The following SNX30 variants were observed in gnomAD, a reference collection of about 807,000 sequenced individuals.
SNX30 encodes sorting nexin family member 30.
In SNX30, 24 loss-of-function variants were observed where a neutral mutation model predicts 46.4. That is an observed-to-expected ratio of 0.52 (90% CI 0.37 to 0.73). The LOEUF (loss-of-function observed/expected upper bound fraction) is 0.73, where lower values mean the gene tolerates loss of function less well. Ranked by LOEUF, SNX30 falls within the 30% of genes least tolerant of loss-of-function variation. SNX30 has a pLI of 0.00. For synonymous variants in SNX30, 189 were observed against 211.5 expected (o/e 0.89, Z 0.92); for missense variants, 533 against 555.7 (o/e 0.96, Z 0.41).
At chr9:112,859,514 A>G (rs558218110) in intron 7 of SNX30, among the ~76,000 whole-genome samples, 1 of 152,312 alleles carries the variant, frequency 6.6e-6, no homozygotes, top group Non-Finnish European at 1.5e-5. Context: ...CTATTTTAAA[A>G]TTTTTGAGGA....
Position 112,791,756 on chromosome 9 carries a change from A to G in SNX30, c.157-13020A>G, listed in dbSNP as rs1169941074. ...AATTTTACTTAGAGATTTAAATGGA[A>G]TGGCTGATATGAGTGATGCCAGTAA... On this transcript the variant is annotated intron_variant, in intron 1 of 8. Coordinates refer to ENST00000374232, the MANE Select transcript of SNX30 (RefSeq NM_001012994.2). Among the ~76,000 whole-genome samples the G allele has an allele frequency of 3.3e-5, 5 of 152,152 alleles. No individual in the cohort carries two copies. In the East Asian group the frequency reaches 9.6e-4, roughly 29 times the overall value.
chr9:112,766,414 G>A (rs547134229), intron 1 of SNX30, among the ~76,000 whole-genome samples: 6 of 151,740 alleles, frequency 4.0e-5, no homozygotes, highest in African/African-American at 1.5e-4. Flanking sequence ...CAATAATTTT[G>A]ACATTTGAGG....
chr9:112,875,490 G>A (rs1024349988), downstream of SNX30, among the ~76,000 whole-genome samples: 2 of 152,230 alleles, frequency 1.3e-5, no homozygotes, highest in East Asian at 1.9e-4. Context: ...GTGGATCATG[G>A]ATCAAATCTC....
At chr9:112,848,921 C>T (rs1227785127) in intron 6 of SNX30, among the ~76,000 whole-genome samples, 1 of 152,218 alleles carries the variant, frequency 6.6e-6, no homozygotes, top group Non-Finnish European at 1.5e-5. Context: ...GCAGTGCCCC[C>T]AGGAGCCCCC....
At chr9:112,807,660 C>T (rs959132901) in intron 2 of SNX30, among the ~76,000 whole-genome samples, 1 of 152,190 alleles carries the variant, frequency 6.6e-6, no homozygotes, top group African/African-American at 2.4e-5. Flanking sequence ...AAAGTGACCG[C>T]CTTGCTGGCA....
At chr9:112,806,885 T>C (rs1840233320) in intron 2 of SNX30, among the ~76,000 whole-genome samples, 1 of 152,150 alleles carries the variant, frequency 6.6e-6, no homozygotes, top group Non-Finnish European at 1.5e-5. Context: ...CAATGTTCCC[T>C]TCCATTTTAT....
At chr9:112,865,661 A>ATATGTGTGTGTGTGTGTGTGTGTGTG in intron 8 of SNX30, among the ~76,000 whole-genome samples, 3 of 105,702 alleles carry the variant, frequency 2.8e-5, no homozygotes, top group Admixed American at 9.5e-5. Flanking sequence ...ATATATATAT[A>ATATGTGTGTGTGTGTGTGTGTGTGTG]TGTATGTATG....
At chr9:112,779,173 C>A (rs1361451107) in intron 1 of SNX30, among the ~76,000 whole-genome samples, 3 of 152,204 alleles carry the variant, frequency 2.0e-5, no homozygotes, top group Non-Finnish European at 4.4e-5. Flanking sequence ...GTGGCCTTGC[C>A]TGTGAGGGCT....
At chr9:112,832,469 T>A (rs1239032714) in intron 4 of SNX30, among the ~76,000 whole-genome samples, 41 of 91,262 alleles carry the variant, frequency 4.5e-4, no homozygotes, top group Non-Finnish European at 5.8e-4. Flanking sequence ...AGTGTGTGTG[T>A]GTGTGTGTGT....
At chr9:112,782,309 G>A (rs1839858740) in intron 1 of SNX30, among the ~76,000 whole-genome samples, 1 of 152,044 alleles carries the variant, frequency 6.6e-6, no homozygotes, top group Non-Finnish European at 1.5e-5. Context: ...CAGGTGGTCC[G>A]CCTGCCTCAG....
In SNX30 at chr9:112,770,892, A is replaced by G. The variant is rs1419582818; in HGVS notation, c.156+19735A>G. On this transcript the variant is annotated intron_variant, in intron 1 of 8. Coordinates refer to ENST00000374232, the MANE Select transcript of SNX30 (RefSeq NM_001012994.2). ...GTGCCTGTAGTCCCAGCTACTCAGG[A>G]GGCTGAGGCAGGAGAATCTCTTGAA... Among the ~76,000 whole-genome samples the G allele has an allele frequency of 2.6e-5, 4 of 152,290 alleles. No homozygotes were observed. In the East Asian group the frequency reaches 7.7e-4, roughly 29 times the overall value.
intron 8 of SNX30, chr9:112,866,523 A>G (rs1420968213): frequency 6.4e-6 from 3 of 470,594 alleles, no homozygotes; most frequent in African/African-American, 6.0e-5. Context: ...GGGAGAGAGC[A>G]GGACCTGGAA....
chr9:112,826,949 G>A lies in SNX30; in HGVS notation c.460-3776G>A, dbSNP rs1366082813. Among the ~76,000 whole-genome samples, 4 of 152,212 alleles carry A rather than the reference G, an allele frequency of 2.6e-5. No individual in the cohort carries two copies. In the South Asian group the frequency reaches 6.2e-4, roughly 24 times the overall value. On this transcript the variant is annotated intron_variant, in intron 3 of 8. Coordinates refer to ENST00000374232, the MANE Select transcript of SNX30 (RefSeq NM_001012994.2). ...ACTGCATTTCGAATATTCTACTCAA[G>A]TGTAAGCTCTGCTGGGTGTCACACG...
chr9:112,790,307 T>C, intron 1 of SNX30, among the ~76,000 whole-genome samples: 1 of 152,236 alleles, frequency 6.6e-6, no homozygotes. Context: ...TTAATGATTA[T>C]ATGTACTAGT....
intron 3 of SNX30, 94 bp downstream of exon 3, chr9:112,817,909 A>T (rs1463255662): frequency 3.8e-6 from 3 of 787,086 alleles, no homozygotes; most frequent in Non-Finnish European, 6.8e-6. Flanking sequence ...AGTTATACAG[A>T]CTCACCCAGC....
At chr9:112,756,797 C>T (rs1002875669) in intron 1 of SNX30, among the ~76,000 whole-genome samples, 47 of 152,326 alleles carry the variant, frequency 3.1e-4, no homozygotes, top group African/African-American at 9.4e-4. Flanking sequence ...CTCTCTCCCA[C>T]GGCCGCACCC....
At chr9:112,862,679 A>T (rs1841256739) in intron 7 of SNX30, among the ~76,000 whole-genome samples, 1 of 151,874 alleles carries the variant, frequency 6.6e-6, no homozygotes, top group South Asian at 2.1e-4. Flanking sequence ...AGGTGGGAGG[A>T]TCACTGGAGG....
chr9:112,754,106 G>C (rs1839314141), intron 1 of SNX30, among the ~76,000 whole-genome samples: 1 of 152,218 alleles, frequency 6.6e-6, no homozygotes, highest in Non-Finnish European at 1.5e-5. Context: ...GGGGAATGAA[G>C]GTTTGACAGG....
At chr9:112,772,133 C>T (rs752101171) in intron 1 of SNX30, among the ~76,000 whole-genome samples, 3 of 152,140 alleles carry the variant, frequency 2.0e-5, no homozygotes, top group African/African-American at 4.8e-5. Context: ...GTTTTCAGCC[C>T]GGTGACGTTA....
Sources: allele counts gnomAD v4.1 joint callset (sites outside exome capture counted in the v4.1 genomes callset), GRCh38; gene constraint gnomAD v4.1.1; transcripts MANE v1.5; gene names NCBI Gene and HGNC (gene_info 2026-07-23, HGNC 2026-07-21).